The following NUBP2 variants were observed in gnomAD, a reference collection of about 807,000 sequenced individuals.
NUBP2 encodes the protein NUBP iron-sulfur cluster assembly factor 2, cytosolic, also known as cytosolic Fe-S cluster assembly factor NUBP2.
NUBP2 carries 23 observed loss-of-function variants against 24.9 expected under a neutral mutation model. That is an observed-to-expected ratio of 0.92 (90% CI 0.66 to 1.31). The LOEUF is 1.31. NUBP2 is among the 50% of genes most tolerant of loss of function. The pLI is 0.00. For synonymous variants in NUBP2, 186 were observed against 170.9 expected, an observed-to-expected ratio of 1.09 and a Z score of -0.69; for missense variants, 403 against 386.5, an observed-to-expected ratio of 1.04 and a Z score of -0.36.
Position 1,788,660 on chromosome 16 carries a change from A to G in NUBP2, c.762A>G (p.Ala254=), listed in dbSNP as rs748709720. 1 of 1,612,334 alleles carries G rather than the reference A, an allele frequency of 6.2e-7. No homozygotes were observed. Among genetic ancestry groups the G allele is most frequent in the Non-Finnish European group, 8.5e-7 (1 of 1,179,802 alleles). The change falls in exon 7 of 7, where the codon GCA becomes GCG. Residue 254 remains alanine, a synonymous_variant. Coordinates refer to ENST00000262302, the MANE Select transcript of NUBP2 (RefSeq NM_012225.4). ...QEFPGSPAFA[A]LTSIAQKILD... is the part of the protein sequence containing the mutation. ...TCCCTGGGAGCCCCGCCTTCGCTGC[A>G]CTCACCTCCATAGCCCAGAAGATTC...
chr16:1,786,438 C>T (rs1896970097), intron 1 of NUBP2, 99 bp from the exon 2 acceptor site: 2 of 1,060,328 alleles, frequency 1.9e-6, no homozygotes, highest in Non-Finnish European at 2.8e-6. Context: ...CACCACTGCC[C>T]CGCTCAGAAC....
intron 1 of NUBP2, 32 bp downstream of exon 1, chr16:1,783,068 C>A: frequency 8.0e-7 from 1 of 1,252,256 alleles, no homozygotes; most frequent in Non-Finnish European, 1.0e-6. Flanking sequence ...GGAGCCGCTC[C>A]AGGGCCTCGC....
In NUBP2 at chr16:1,787,041, C is replaced by A. The variant is rs573244903; in HGVS notation, c.334+86C>A. The A allele has an allele frequency of 5.7e-4, 735 of 1,295,738 alleles. 7 individuals carry two copies. In the African/African-American group the frequency reaches 8.8e-3, roughly 16 times the overall value. The allele number at this position is 1,295,738 out of a possible 1,614,324, so 80.3% of individuals were successfully genotyped here. A position where few individuals can be genotyped will look rare whatever the true frequency, so the allele number is the denominator to read the frequency against. On this transcript the variant is annotated intron_variant, in intron 3 of 6. Transcript: ENST00000262302. ...CTCCTGTGGAAATGTTCCTCTTCAG[C>A]AGCCAGGCCTGTTCCTGGGGACCTG... is the stretch of plus-strand genomic sequence containing the variant.
chr16:1,785,026 T>G, intron 1 of NUBP2: 1 of 945,504 alleles, frequency 1.1e-6, no homozygotes, highest in Non-Finnish European at 1.3e-6. Flanking sequence ...TACTCCAGCC[T>G]GGGCGACAGA....
At chr16:1,786,251 C>G (rs899630714) in intron 1 of NUBP2, 14 of 492,552 alleles carry the variant, frequency 2.8e-5, no homozygotes, top group South Asian at 7.2e-5. Context: ...CGCATGCACC[C>G]TTCCACACAG....
At chr16:1,783,543 C>T (rs1174704803) in intron 1 of NUBP2, 5 of 977,496 alleles carry the variant, frequency 5.1e-6, no homozygotes, top group Non-Finnish European at 6.1e-6. Flanking sequence ...CCAGTGGGGA[C>T]GATCCGTTCG....
intron 1 of NUBP2, chr16:1,783,954 A>C: frequency 3.4e-6 from 3 of 876,122 alleles, no homozygotes; most frequent in Non-Finnish European, 4.1e-6. Flanking sequence ...CAGCCTCCCA[A>C]AGTGCTGGGA....
At position 1,787,952 on chromosome 16, in the gene NUBP2, G is replaced by C; in HGVS notation, c.501G>C (p.Val167=). 6.2e-7 allele frequency: 1 copy of C among 1,605,202 alleles called. No homozygotes were observed. The highest frequency in any genetic ancestry group is 1.1e-5 in the South Asian group (1 of 90,722). ...LVVTTPQAVS[V]GDVRRELTFC... is the part of the protein sequence containing the mutation. Reference sequence around the variant, plus strand: ...CTCCTGCCCCGCAGGCGGTGTCCGTGGGGGACGTGAGGCGCGAGCTGACCT... The same window carrying C: ...CTCCTGCCCCGCAGGCGGTGTCCGTCGGGGACGTGAGGCGCGAGCTGACCT... The change falls in exon 5 of 7, where the codon GTG becomes GTC. Residue 167 remains valine, a synonymous_variant. Coordinates refer to ENST00000262302, the MANE Select transcript of NUBP2 (RefSeq NM_012225.4).
At chr16:1,785,429 G>T (rs1205452187) in intron 1 of NUBP2, 7 of 1,181,334 alleles carry the variant, frequency 5.9e-6, no homozygotes, top group Non-Finnish European at 7.5e-6. Flanking sequence ...GCCCCTGGGG[G>T]TTAACACTGC....
chr16:1,783,591 C>T, intron 1 of NUBP2: 3 of 694,880 alleles, frequency 4.3e-6, no homozygotes, highest in Non-Finnish European at 5.3e-6. Flanking sequence ...GTAGTGGGAG[C>T]CGCATTTATC....
rs200532876 is a variant in NUBP2 at position 1,786,799 on chromosome 16, C to T, written c.178C>T (p.Arg60Cys). 52 of 1,610,186 alleles carry T rather than the reference C, an allele frequency of 3.2e-5. No individual in the cohort carries two copies. The highest frequency in any genetic ancestry group is 1.0e-4 in the Admixed American group (6 of 59,864). The change falls in exon 3 of 7, where the codon CGC becomes TGC. Residue 60 changes from arginine to cysteine, a missense_variant. By Grantham distance (180) the Arg-to-Cys change is radical. Transcript: ENST00000262302. ...GGACCTGTGTGGCCCCAGTATCCCC[C>T]GCATGCTCGGGGCGCAGGGCAGGGC... The part of the protein sequence containing the change: ...DVDLCGPSIP[R>C]MLGAQGRAVH...
Position 1,788,163 on chromosome 16 carries a change from G to T in NUBP2, c.626G>T (p.Gly209Val). The change falls in exon 6 of 7, where the codon GGC becomes GTC. Residue 209 changes from glycine to valine, a missense_variant. By Grantham distance (109) the Gly-to-Val change is moderately radical. Transcript: ENST00000262302. ...CTECTSVFSR[G>V]GGEELAQLAG... is the part of the protein sequence containing the mutation. ...GAGTGCACCAGCGTCTTCTCCAGGG[G>T]CGGCGGAGAGGAGCTGGCCCAGCTC... 6.5e-7 allele frequency: 1 copy of T among 1,537,950 alleles called. No homozygotes were observed. The highest frequency in any genetic ancestry group is 8.7e-7 in the Non-Finnish European group (1 of 1,146,354).
intron 1 of NUBP2, chr16:1,784,095 CTTTT>C (rs759541816): frequency 2.1e-5 from 16 of 745,000 alleles, no homozygotes; most frequent in Non-Finnish European, 2.4e-5. Context: ...TTGATAGAAG[CTTTT>C]TTTTTTTTTT....
chr16:1,784,224 G>A (rs1896855696), intron 1 of NUBP2, among the ~76,000 whole-genome samples: 1 of 151,722 alleles, frequency 6.6e-6, no homozygotes, highest in Admixed American at 6.6e-5. Context: ...CTGAGCACCT[G>A]GGACCACAGG....
intron 1 of NUBP2, chr16:1,785,875 G>A (rs986648121): frequency 2.3e-6 from 3 of 1,289,030 alleles, no homozygotes; most frequent in South Asian, 1.2e-5. Flanking sequence ...CTGGAGACAA[G>A]GGGCATGGCC....
intron 1 of NUBP2, chr16:1,783,538 G>A (rs975912080): frequency 1.0e-5 from 10 of 981,720 alleles, no homozygotes; most frequent in Non-Finnish European, 1.1e-5. Flanking sequence ...TCACACCAGT[G>A]GGGACGATCC....
rs527366593 is a variant in NUBP2, at chr16:1,789,034, G to A, written c.*320G>A. The stretch of plus-strand genomic sequence containing the variant: ...GTTAGCGGAGCGCGGGACTTCTGCA[G>A]TCCTCAGGTGACCCCGGGCCTCCAG... On this transcript the variant is annotated 3_prime_UTR_variant, in exon 7 of 7. Coordinates refer to ENST00000262302, the MANE Select transcript of NUBP2 (RefSeq NM_012225.4). The A allele has an allele frequency of 6.7e-6, 2 of 300,656 alleles. No homozygotes were observed. The highest frequency in any genetic ancestry group is 2.2e-5 in the African/African-American group (1 of 46,058). The allele number at this position is 300,656 out of a possible 1,614,324, so 18.6% of individuals were successfully genotyped here.
chr16:1,788,954 C>T lies in NUBP2; in HGVS notation c.*240C>T, dbSNP rs1897132209. On this transcript the variant is annotated 3_prime_UTR_variant, in exon 7 of 7. Coordinates refer to ENST00000262302, the MANE Select transcript of NUBP2 (RefSeq NM_012225.4). Reference sequence around the variant, plus strand: ...AGCTGTGAGACGGGGGCGGCCTGGGCTCTCTTCCCATCCATGTTGCCTACC... The same window carrying T: ...AGCTGTGAGACGGGGGCGGCCTGGGTTCTCTTCCCATCCATGTTGCCTACC... 3.5e-5 allele frequency: 18 copies of T among 519,098 alleles called. 1 individual carries two copies. In the South Asian group the frequency reaches 4.8e-4, roughly 14 times the overall value. The allele number at this position is 519,098 out of a possible 1,614,324, so 32.2% of individuals were successfully genotyped here.
intron 1 of NUBP2, chr16:1,783,706 G>A (rs951427160): frequency 5.3e-6 from 1 of 187,164 alleles, no homozygotes; most frequent in African/African-American, 2.4e-5. Flanking sequence ...GGAGTCTTTT[G>A]TTTTTGAGAC....
Sources: allele counts gnomAD v4.1 joint callset (sites outside exome capture counted in the v4.1 genomes callset), GRCh38; gene constraint gnomAD v4.1.1; transcripts MANE v1.5; gene names NCBI Gene and HGNC (gene_info 2026-07-23, HGNC 2026-07-21).